Variants in RUNX1T1 observed in about 807,000 individuals in gnomAD.
RUNX1T1 encodes the protein protein CBFA2T1.
RUNX1T1 carries 4 observed loss-of-function variants against 62.8 expected under a neutral mutation model. The ratio of observed to expected loss-of-function variants is 0.06; its 90% confidence interval spans 0.03 to 0.15. The LOEUF is 0.15. Among genes scored for constraint, RUNX1T1 ranks in the 10% least tolerant of loss-of-function variants. The pLI, the probability that RUNX1T1 is intolerant of heterozygous loss-of-function variation, is 1.00. For missense variants in RUNX1T1, 508 were observed against 754.3 expected (o/e 0.67, Z 3.82); for synonymous variants, 291 against 286.0 (o/e 1.02, Z -0.18).
At chr8:92,017,887 T>G (rs184488501) in intron 1 of RUNX1T1, among the ~76,000 whole-genome samples, 1 of 152,310 alleles carries the variant, frequency 6.6e-6, no homozygotes, top group East Asian at 1.9e-4. Context: ...CCAGGCATAT[T>G]TCGCATTTCA....
At chr8:92,074,592 T>C (rs781178121) in intron 2 of RUNX1T1, among the ~76,000 whole-genome samples, 2 of 152,184 alleles carry the variant, frequency 1.3e-5, no homozygotes, top group Non-Finnish European at 2.9e-5. Context: ...TAAAGCGGGA[T>C]GGTTATTATT....
intron 1 of RUNX1T1, among the ~76,000 whole-genome samples, chr8:92,036,078 T>A (rs1827364288): frequency 6.6e-6 from 1 of 152,208 alleles, no homozygotes; most frequent in Non-Finnish European, 1.5e-5. Context: ...GATGACAGTC[T>A]AAATTCCCAT....
upstream of RUNX1T1, among the ~76,000 whole-genome samples, chr8:92,065,797 C>A (rs183288108): frequency 1.8e-4 from 28 of 152,260 alleles, no homozygotes; most frequent in East Asian, 5.4e-3. Flanking sequence ...AAAGCCTTTC[C>A]ACAGGTCTTC....
At chr8:92,083,068 G>C (rs1278036202) in intron 1 of RUNX1T1, among the ~76,000 whole-genome samples, 3 of 152,146 alleles carry the variant, frequency 2.0e-5, no homozygotes, top group South Asian at 2.1e-4. Context: ...ATAAAATTTT[G>C]CTTATAATTT....
chr8:91,961,943 T>G (rs1181574508), intron 10 of RUNX1T1, among the ~76,000 whole-genome samples: 1 of 152,242 alleles, frequency 6.6e-6, no homozygotes, highest in Non-Finnish European at 1.5e-5. Flanking sequence ...CTCCCTACTG[T>G]GTTCTCTACA....
chr8:91,955,469 T>C (rs1238639558), downstream of RUNX1T1: 2 of 226,592 alleles, frequency 8.8e-6, no homozygotes, highest in Non-Finnish European at 1.8e-5. Flanking sequence ...GTTTCCACTA[T>C]TTAAAAAAAA....
chr8:92,088,394 T>C (rs901692633), intron 1 of RUNX1T1, among the ~76,000 whole-genome samples: 1 of 152,234 alleles, frequency 6.6e-6, no homozygotes, highest in Non-Finnish European at 1.5e-5. Flanking sequence ...AGGGGTATAG[T>C]ACTTCTAGTT....
intron 1 of RUNX1T1, among the ~76,000 whole-genome samples, chr8:92,076,604 T>C (rs1285848477): frequency 1.3e-5 from 2 of 152,116 alleles, no homozygotes; most frequent in African/African-American, 4.8e-5. Context: ...TTTGTTTCGC[T>C]GTTCTGAAAT....
At chr8:91,984,143 C>T (rs1816033651) in intron 8 of RUNX1T1, among the ~76,000 whole-genome samples, 1 of 152,134 alleles carries the variant, frequency 6.6e-6, no homozygotes, top group African/African-American at 2.4e-5. Context: ...CATTGAACAT[C>T]ACTAAAAAAT....
chr8:91,970,005 C>T (rs1471813813), intron 10 of RUNX1T1, among the ~76,000 whole-genome samples: 1 of 143,536 alleles, frequency 7.0e-6, no homozygotes, highest in Admixed American at 6.9e-5. Flanking sequence ...GATCTTTGAG[C>T]CATTTAGGCT....
At chr8:92,077,655 T>A (rs1378759831) in intron 1 of RUNX1T1, among the ~76,000 whole-genome samples, 1 of 152,112 alleles carries the variant, frequency 6.6e-6, no homozygotes, top group East Asian at 1.9e-4. Flanking sequence ...TAATATATAT[T>A]TTGTGCTTCA....
At chr8:91,968,142 C>T (rs1212557980) in intron 10 of RUNX1T1, among the ~76,000 whole-genome samples, 1 of 152,078 alleles carries the variant, frequency 6.6e-6, no homozygotes. Context: ...ACTTCTGGGT[C>T]CTCCTCTCAG....
chr8:92,004,104 C>T (rs1377299943), intron 5 of RUNX1T1, among the ~76,000 whole-genome samples: 1 of 152,168 alleles, frequency 6.6e-6, no homozygotes, highest in Non-Finnish European at 1.5e-5. Flanking sequence ...ATAGCTAAGT[C>T]AGTCACAAAT....
chr8:91,971,099 T>C (rs1172656580), intron 9 of RUNX1T1: 2 of 375,716 alleles, frequency 5.3e-6, no homozygotes, highest in Admixed American at 8.8e-5. Context: ...ATCCAAATTA[T>C]TGGGCAGTTC....
chr8:92,070,920 C>T (rs1417789648), intron 2 of RUNX1T1, among the ~76,000 whole-genome samples: 1 of 152,218 alleles, frequency 6.6e-6, no homozygotes, highest in Non-Finnish European at 1.5e-5. Flanking sequence ...ACACCACCAC[C>T]ACCACCTTTG....
At chr8:92,017,097 AT>A (rs976341362) in intron 2 of RUNX1T1, 128 bp downstream of exon 3, 38 of 687,492 alleles carry the variant, frequency 5.5e-5, no homozygotes, top group Non-Finnish European at 6.7e-5. Flanking sequence ...CAAACAAATG[AT>A]TTTTTTTGGT....
intron 1 of RUNX1T1, among the ~76,000 whole-genome samples, chr8:92,038,937 C>G (rs1362997555): frequency 9.9e-5 from 15 of 152,048 alleles, no homozygotes; most frequent in African/African-American, 2.4e-5. Flanking sequence ...GCTGGAGTCT[C>G]TCTCATCCAG....
intron 5 of RUNX1T1, among the ~76,000 whole-genome samples, chr8:91,998,029 A>G (rs1481539517): frequency 6.6e-6 from 1 of 152,192 alleles, no homozygotes; most frequent in Non-Finnish European, 1.5e-5. Flanking sequence ...CATCAAACAC[A>G]TCTTCCTTTC....
intron 1 of RUNX1T1, among the ~76,000 whole-genome samples, chr8:92,089,022 C>G (rs888908224): frequency 1.3e-5 from 2 of 152,180 alleles, no homozygotes; most frequent in South Asian, 2.1e-4. Flanking sequence ...TATGAAGCAA[C>G]AGTGCTTCCT....
Sources: gnomAD v4.1 joint callset for allele counts (sites outside exome capture counted in the v4.1 genomes callset) on GRCh38, gnomAD v4.1.1 for gene constraint, MANE v1.5 for transcripts, NCBI Gene and HGNC (gene_info 2026-07-23, HGNC 2026-07-21) for gene names.